CRIM1: variants seen among roughly 807,000 people sequenced by gnomAD.
CRIM1 encodes the protein cysteine-rich motor neuron 1 protein.
Under a neutral mutation model 116.4 loss-of-function variants are expected in CRIM1, and 32 were observed. That is an observed-to-expected ratio of 0.27 (90% confidence interval 0.21 to 0.37). The LOEUF is 0.37. Among genes scored for constraint, CRIM1 ranks in the 10% least tolerant of loss-of-function variants. CRIM1 has a pLI of 1.00. For missense variants in CRIM1, 1,331 were observed against 1,354.8 expected (o/e 0.98, Z 0.28); for synonymous variants, 590 against 509.2 (o/e 1.16, Z -2.13).
chr2:36,477,464 C>G (rs538813701), intron 6 of CRIM1, among the ~76,000 whole-genome samples: 2 of 152,234 alleles, frequency 1.3e-5, no homozygotes, highest in Non-Finnish European at 2.9e-5. Context: ...GTGGGCCTCA[C>G]CCTGACAGTC....
chr2:36,510,261 T>C (rs764362372), intron 9 of CRIM1, 122 bp downstream of exon 9: 4 of 896,010 alleles, frequency 4.5e-6, no homozygotes, highest in Non-Finnish European at 5.0e-6. Context: ...AGAATGTCTA[T>C]ACTTGTTTTG....
intron 5 of CRIM1, among the ~76,000 whole-genome samples, chr2:36,475,673 G>T (rs1678918398): frequency 6.6e-6 from 1 of 152,342 alleles, no homozygotes; most frequent in East Asian, 1.9e-4. Flanking sequence ...TAGGGGGAAA[G>T]CACTTGGACT....
intron 12 of CRIM1, 40 bp downstream of exon 12, chr2:36,517,582 G>A (rs368943576): frequency 1.3e-5 from 20 of 1,582,108 alleles, no homozygotes; most frequent in Non-Finnish European, 1.7e-5. Context: ...GGTGGGGAAG[G>A]ATGCAGCTCT....
chr2:36,411,694 C>G (rs991636123), intron 2 of CRIM1, among the ~76,000 whole-genome samples: 2 of 146,342 alleles, frequency 1.4e-5, no homozygotes, highest in Non-Finnish European at 3.0e-5. Context: ...GTACAGTTAC[C>G]TGTGTGCTAT....
intron 2 of CRIM1, among the ~76,000 whole-genome samples, chr2:36,424,505 G>A (rs962672645): frequency 1.3e-5 from 2 of 152,172 alleles, no homozygotes; most frequent in African/African-American, 4.8e-5. Flanking sequence ...AAAGCACAGA[G>A]GCAGATAAGG....
chr2:36,434,071 T>A (rs1390648307), intron 2 of CRIM1, among the ~76,000 whole-genome samples: 1 of 152,206 alleles, frequency 6.6e-6, no homozygotes, highest in Non-Finnish European at 1.5e-5. Context: ...CCAAAAAAGG[T>A]TATGATAAAA....
At chr2:36,454,270 G>C (rs759668426) in intron 4 of CRIM1, among the ~76,000 whole-genome samples, 7 of 152,036 alleles carry the variant, frequency 4.6e-5, no homozygotes, top group Non-Finnish European at 7.4e-5. Flanking sequence ...TGTAAATTTA[G>C]TGTGTTCTTT....
chr2:36,479,862 G>A (rs149443936), intron 7 of CRIM1, among the ~76,000 whole-genome samples, 168 bp downstream of exon 7: 31 of 152,356 alleles, frequency 2.0e-4, no homozygotes, highest in African/African-American at 3.1e-4. Flanking sequence ...TTTGAGGAAA[G>A]GTTGCACATG....
chr2:36,473,859 T>C (rs1240016841), intron 5 of CRIM1, among the ~76,000 whole-genome samples: 1 of 152,206 alleles, frequency 6.6e-6, no homozygotes, highest in Non-Finnish European at 1.5e-5. Flanking sequence ...TATATTTTCA[T>C]TTCTCTTGGG....
At chr2:36,497,816 G>T (rs1048174337) in intron 7 of CRIM1, among the ~76,000 whole-genome samples, 5 of 152,150 alleles carry the variant, frequency 3.3e-5, no homozygotes, top group African/African-American at 1.2e-4. Context: ...TTAGTAGATG[G>T]ATAAAAATTT....
intron 6 of CRIM1, among the ~76,000 whole-genome samples, chr2:36,477,899 G>T (rs1679109442): frequency 6.6e-6 from 1 of 152,146 alleles, no homozygotes; most frequent in Non-Finnish European, 1.5e-5. Context: ...ATAACCCCGT[G>T]CCTGACTGTG....
In CRIM1 at chr2:36,356,144, G is replaced by C. The variant is rs1340028025; in HGVS notation, c.-149G>C. The stretch of plus-strand genomic sequence containing the variant: ...AAGGGGCGGGGGCCTCGCCCCGCGA[G>C]GGGAGGCGCGCCCCGGGGGCCCCGA... On this transcript the variant is annotated 5_prime_UTR_variant, in exon 1 of 17. Coordinates refer to ENST00000280527, the MANE Select transcript of CRIM1 (RefSeq NM_016441.3). The surrounding 1 kb of genome is among the most constrained non-coding windows in gnomAD (Gnocchi z 4.3). 1.5e-4 allele frequency: 27 copies of C among 178,196 alleles called. No individual in the cohort carries two copies. In the South Asian group the frequency reaches 4.0e-3, roughly 26 times the overall value. 11.0% of individuals were successfully genotyped at this position (178,196 alleles called of 1,614,324 possible). A position where few individuals can be genotyped will look rare whatever the true frequency, so the allele number is the denominator to read the frequency against.
At chr2:36,533,318 G>A (rs986861701) in intron 13 of CRIM1, among the ~76,000 whole-genome samples, 1 of 151,640 alleles carries the variant, frequency 6.6e-6, no homozygotes, top group Non-Finnish European at 1.5e-5. Flanking sequence ...CAAGGTGTTG[G>A]TGGCTCATGC....
chr2:36,360,815 G>A (rs1358176449), intron 1 of CRIM1, among the ~76,000 whole-genome samples: 1 of 152,146 alleles, frequency 6.6e-6, no homozygotes, highest in African/African-American at 2.4e-5. Flanking sequence ...CACTCATTAA[G>A]TAACGGGAGG....
rs575813929 is a variant in CRIM1 at position 36,486,488 on chromosome 2, G to A, written c.1372+6794G>A. ...GTCTTATACTCTTAATTTGCTAGAT[G>A]ACCAAACTGATCAATGCCTTAAATG... On this transcript the variant is annotated intron_variant, in intron 7 of 16. Transcript: ENST00000280527. Among the ~76,000 whole-genome samples the A allele has an allele frequency of 3.5e-4, 54 of 152,238 alleles. No homozygotes were observed. In the South Asian group the frequency reaches 0.011, roughly 30 times the overall value.
Position 36,356,397 on chromosome 2 carries a change from G to T in CRIM1, c.105G>T (p.Leu35=), listed in dbSNP as rs1453035768. ...LLLARSGTRA[L]VCLPCDESKC... The stretch of plus-strand genomic sequence containing the variant: ...TGGCGCGCTCCGGCACCCGGGCGCT[G>T]GTCTGCCTGCCCTGTGACGAGTCCA... Residue 35 remains leucine, a synonymous_variant, in exon 1 of 17, where the codon CTG becomes CTT. Transcript: ENST00000280527. The surrounding 1 kb of genome is among the most constrained non-coding windows in gnomAD (Gnocchi z 4.3). 6.2e-7 allele frequency: 1 copy of T among 1,605,004 alleles called. No individual in the cohort carries two copies. Among genetic ancestry groups the T allele is most frequent in the Non-Finnish European group, 8.5e-7 (1 of 1,177,568 alleles).
chr2:36,481,406 AATC>A (rs1679407854), intron 7 of CRIM1, among the ~76,000 whole-genome samples: 1 of 152,210 alleles, frequency 6.6e-6, no homozygotes, highest in African/African-American at 2.4e-5. Flanking sequence ...GTTGTAATCT[AATC>A]ATCTACTGTT....
At chr2:36,386,512 C>G (rs186810082) in intron 1 of CRIM1, among the ~76,000 whole-genome samples, 2 of 152,350 alleles carry the variant, frequency 1.3e-5, no homozygotes, top group East Asian at 3.9e-4. Flanking sequence ...CCTCTACCAA[C>G]AAACTTACTT....
At chr2:36,466,221 C>T (rs1416260027) in intron 5 of CRIM1, among the ~76,000 whole-genome samples, 1 of 152,048 alleles carries the variant, frequency 6.6e-6, no homozygotes, top group East Asian at 1.9e-4. Context: ...TATTCACATC[C>T]AGAGGCACAG....
Sources: gnomAD v4.1 joint callset for allele counts (sites outside exome capture counted in the v4.1 genomes callset) on GRCh38, gnomAD v4.1.1 for gene constraint, Gnocchi (gnomAD v3.1) non-coding constraint, MANE v1.5 for transcripts, NCBI Gene and HGNC (gene_info 2026-07-23, HGNC 2026-07-21) for gene names.